Variants in NETO1 observed in about 807,000 individuals in gnomAD.
NETO1 encodes the protein neuropilin and tolloid like 1.
Under a neutral mutation model 61.3 loss-of-function variants are expected in NETO1, and 26 were observed. The observed-to-expected ratio is 0.42, with a 90% CI of 0.31 to 0.59. The LOEUF (loss-of-function observed/expected upper bound fraction) is 0.59. Ranked by LOEUF, NETO1 falls within the 20% of genes least tolerant of loss-of-function variation. The probability of loss-of-function intolerance (pLI) is 0.12; values close to 1 mark genes in which losing one functional copy is unlikely to be tolerated. For missense variants in NETO1, 531 were observed against 662.8 expected (o/e 0.80, Z 2.18); for synonymous variants, 225 against 225.8 (o/e 1.00, Z 0.03).
At chr18:72,801,887 A>G (rs2072519707) in intron 4 of NETO1, among the ~76,000 whole-genome samples, 1 of 152,126 alleles carries the variant, frequency 6.6e-6, no homozygotes, top group African/African-American at 2.4e-5. Flanking sequence ...TAGAAAGGGG[A>G]GATGAAAAGA....
chr18:72,773,113 C>A (rs2071431060), intron 7 of NETO1, among the ~76,000 whole-genome samples: 1 of 151,816 alleles, frequency 6.6e-6, no homozygotes. Context: ...TATTACAAAA[C>A]AGGGATTCCC....
At chr18:72,793,298 A>C (rs1025406266) in intron 6 of NETO1, among the ~76,000 whole-genome samples, 3 of 152,132 alleles carry the variant, frequency 2.0e-5, no homozygotes, top group African/African-American at 7.2e-5. Context: ...ATGAACAAAT[A>C]ACATCTTAGA....
chr18:72,796,622 G>A (rs1183881280), intron 4 of NETO1, among the ~76,000 whole-genome samples: 3 of 151,666 alleles, frequency 2.0e-5, no homozygotes, highest in Non-Finnish European at 4.4e-5. Context: ...GACTACAGGC[G>A]CCCGCCACTG....
At chr18:72,780,353 C>T (rs542839753) in intron 7 of NETO1, among the ~76,000 whole-genome samples, 58 of 152,170 alleles carry the variant, frequency 3.8e-4, no homozygotes, top group Non-Finnish European at 8.2e-4. Flanking sequence ...ACTTCAATGA[C>T]TTCTAGAGAT....
chr18:72,795,738 C>G (rs1423263565), intron 4 of NETO1, among the ~76,000 whole-genome samples: 1 of 152,132 alleles, frequency 6.6e-6, no homozygotes, highest in Non-Finnish European at 1.5e-5. Context: ...ATGTATCTAT[C>G]ATTTTCTTGC....
At chr18:72,846,260 C>T (rs12962013) in intron 4 of NETO1, among the ~76,000 whole-genome samples, 39,376 of 151,080 alleles carry the variant, frequency 0.26, 5,767 homozygotes, top group East Asian at 0.46. Flanking sequence ...ATCCCAGCAT[C>T]TTGGGAGGGC....
At chr18:72,807,429 A>G (rs1291038408) in intron 4 of NETO1, among the ~76,000 whole-genome samples, 1 of 152,068 alleles carries the variant, frequency 6.6e-6, no homozygotes, top group Non-Finnish European at 1.5e-5. Flanking sequence ...TTATTTATTT[A>G]GCTGTAATTT....
intron 7 of NETO1, among the ~76,000 whole-genome samples, chr18:72,777,243 C>T (rs2071577538): frequency 6.6e-6 from 1 of 151,730 alleles, no homozygotes; most frequent in Non-Finnish European, 1.5e-5. Flanking sequence ...CATGGTGAAA[C>T]CCAGTCTCTA....
intron 6 of NETO1, among the ~76,000 whole-genome samples, chr18:72,785,399 T>G (rs1166813010): frequency 6.6e-6 from 1 of 152,186 alleles, no homozygotes; most frequent in East Asian, 1.9e-4. Flanking sequence ...CATTCACATT[T>G]CTATAATATT....
At chr18:72,836,225 T>TC (rs899279535) in intron 4 of NETO1, among the ~76,000 whole-genome samples, 11 of 152,154 alleles carry the variant, frequency 7.2e-5, no homozygotes, top group African/African-American at 2.6e-4. Flanking sequence ...CCCAGGGTGC[T>TC]CCCCCTTTCT....
At chr18:72,789,234 A>G (rs1230997776) in intron 6 of NETO1, among the ~76,000 whole-genome samples, 3 of 146,582 alleles carry the variant, frequency 2.0e-5, no homozygotes, top group Admixed American at 6.8e-5. Context: ...ACACACACAC[A>G]CACACACACA....
intron 4 of NETO1, among the ~76,000 whole-genome samples, chr18:72,844,852 T>C (rs1365074636): frequency 2.6e-5 from 4 of 152,242 alleles, no homozygotes; most frequent in Non-Finnish European, 1.5e-5. Context: ...CACAAGGGTG[T>C]GATGGAGCTG....
At chr18:72,782,158 G>T (rs531812589) in intron 7 of NETO1, among the ~76,000 whole-genome samples, 1 of 152,238 alleles carries the variant, frequency 6.6e-6, no homozygotes, top group East Asian at 1.9e-4. Flanking sequence ...CTCCATCCAT[G>T]TTGCTGCAAA....
At chr18:72,867,123 G>C (rs1276993722) in intron 1 of NETO1, 141 bp downstream of exon 1, 14 of 604,846 alleles carry the variant, frequency 2.3e-5, no homozygotes, top group Admixed American at 4.1e-5. Flanking sequence ...AATACAGAAA[G>C]TTTACGTCGG....
At chr18:72,786,946 G>C (rs2071941566) in intron 6 of NETO1, among the ~76,000 whole-genome samples, 1 of 150,096 alleles carries the variant, frequency 6.7e-6, no homozygotes, top group African/African-American at 2.4e-5. Flanking sequence ...CTGGAGCAAA[G>C]AAGAAAAAAA....
chr18:72,812,622 T>C (rs1040429450), intron 4 of NETO1, among the ~76,000 whole-genome samples: 1 of 152,194 alleles, frequency 6.6e-6, no homozygotes, highest in African/African-American at 2.4e-5. Flanking sequence ...ATATTTTCTT[T>C]TTTAGTAATG....
intron 4 of NETO1, among the ~76,000 whole-genome samples, chr18:72,857,964 T>C (rs916713087): frequency 3.3e-5 from 5 of 152,186 alleles, no homozygotes; most frequent in Non-Finnish European, 7.4e-5. Context: ...TTCTTTAACA[T>C]GGAATACAAA....
chr18:72,766,802 G>T (rs116576671), intron 7 of NETO1, among the ~76,000 whole-genome samples: 3,530 of 152,160 alleles, frequency 0.023, 34 homozygotes, highest in Middle Eastern at 0.031. Flanking sequence ...TTCCTTGTAT[G>T]TGGGGTGAAT....
At chr18:72,782,105 T>G (rs1309570170) in intron 7 of NETO1, among the ~76,000 whole-genome samples, 1 of 152,154 alleles carries the variant, frequency 6.6e-6, no homozygotes, top group Non-Finnish European at 1.5e-5. Context: ...CGGTATTTGA[T>G]TTTCTGTTAC....
Sources: gnomAD v4.1 joint callset for allele counts (sites outside exome capture counted in the v4.1 genomes callset) on GRCh38, gnomAD v4.1.1 for gene constraint, MANE v1.5 for transcripts, NCBI Gene and HGNC (gene_info 2026-07-23, HGNC 2026-07-21) for gene names.